Variants in CACNA1C observed in about 807,000 individuals in gnomAD.
CACNA1C encodes calcium voltage-gated channel subunit alpha1 C, also known as voltage-dependent L-type calcium channel subunit alpha-1C.
A neutral mutation model predicts 229.0 loss-of-function variants in CACNA1C; 30 were observed. The observed-to-expected ratio is 0.13, with a 90% CI of 0.10 to 0.18. CACNA1C has a LOEUF of 0.18. Ranked by LOEUF, CACNA1C falls within the 10% of genes least tolerant of loss-of-function variation. The pLI, the probability that CACNA1C is intolerant of heterozygous loss-of-function variation, is 1.00. For missense variants in CACNA1C, 1,658 were observed against 2,845.0 expected, an observed-to-expected ratio of 0.58 and a Z score of 9.49; for synonymous variants, 1,114 against 1,132.5, an observed-to-expected ratio of 0.98 and a Z score of 0.33.
intron 34 of CACNA1C, 28 bp from the exon 35 acceptor site, chr12:2,664,797 C>A: frequency 2.0e-6 from 3 of 1,535,986 alleles, no homozygotes; most frequent in Non-Finnish European, 2.6e-6. Flanking sequence ...GGATGGGCTG[C>A]ATGAACGTGG....
At chr12:2,253,375 T>G (rs891913117) in intron 3 of CACNA1C, among the ~76,000 whole-genome samples, 5 of 152,216 alleles carry the variant, frequency 3.3e-5, no homozygotes, top group African/African-American at 1.2e-4. Flanking sequence ...GGTTCTGAGT[T>G]TATAAGGGGC....
Position 2,585,792 on chromosome 12 carries a change from C to T in CACNA1C, c.2461-43C>T, listed in dbSNP as rs369487619. 73 of 1,392,524 alleles carry T rather than the reference C, an allele frequency of 5.2e-5. 1 individual carries two copies. The Middle Eastern group carries it at 5.5e-3, about 104-fold the overall frequency. 86.3% of individuals were successfully genotyped at this position (1,392,524 alleles called of 1,614,324 possible). A position where few individuals can be genotyped will look rare whatever the true frequency, so the allele number is the denominator to read the frequency against. ...TACTGCAAGCCTCTTAACTTGGGGA[C>T]GTATCTAACTATTCTTCCCCCTTCT... On this transcript the variant is annotated intron_variant, in intron 17 of 46. Transcript: ENST00000399655. This position sits in a 1 kb window ranked among gnomAD's most constrained non-coding sequence, Gnocchi z 4.1.
intron 1 of CACNA1C, among the ~76,000 whole-genome samples, chr12:2,070,164 G>A (rs1357529067): frequency 6.6e-6 from 1 of 152,160 alleles, no homozygotes; most frequent in Non-Finnish European, 1.5e-5. Context: ...GGTCGAGCGG[G>A]AAGAGTATAA....
chr12:2,049,183 C>A (rs930076107), upstream of CACNA1C: 1 of 152,206 alleles, frequency 6.6e-6, no homozygotes, highest in Non-Finnish European at 1.5e-5. Flanking sequence ...TGGTTAAGAG[C>A]GTAGGCTCTG....
intron 1 of CACNA1C, among the ~76,000 whole-genome samples, chr12:2,102,904 G>T (rs2076952594): frequency 1.3e-5 from 2 of 152,204 alleles, no homozygotes; most frequent in South Asian, 2.1e-4. Context: ...TCCCTGCAAA[G>T]GACATGAACT....
chr12:2,229,522 GAATAA>G (rs2064071623), intron 3 of CACNA1C, among the ~76,000 whole-genome samples: 1 of 152,144 alleles, frequency 6.6e-6, no homozygotes, highest in African/African-American at 2.4e-5. Context: ...GAGAGACAAT[GAATAA>G]AATAAGTTAA....
intron 1 of CACNA1C, among the ~76,000 whole-genome samples, chr12:2,031,340 C>A (rs1300577979): frequency 6.6e-6 from 1 of 152,124 alleles, no homozygotes; most frequent in African/African-American, 2.4e-5. Context: ...TTCTCCAAAC[C>A]CTCTGGTGTC....
At chr12:2,459,295 A>G (rs2154565341) in intron 5 of CACNA1C, among the ~76,000 whole-genome samples, 1 of 151,146 alleles carries the variant, frequency 6.6e-6, no homozygotes, top group African/African-American at 2.4e-5. Context: ...GATTACCGGC[A>G]TGAGCCACTG....
At chr12:2,193,464 C>A (rs150273604) in intron 3 of CACNA1C, among the ~76,000 whole-genome samples, 1 of 150,806 alleles carries the variant, frequency 6.6e-6, no homozygotes. Flanking sequence ...CAAAAAAAAA[C>A]AAAAAACAAA....
At chr12:2,073,319 A>T (rs968654307) in intron 1 of CACNA1C, among the ~76,000 whole-genome samples, 1 of 152,218 alleles carries the variant, frequency 6.6e-6, no homozygotes, top group Non-Finnish European at 1.5e-5. Flanking sequence ...TTTGGTTGTC[A>T]CCTTACCCTT....
chr12:2,105,291 A>G (rs955547345), intron 1 of CACNA1C, among the ~76,000 whole-genome samples: 1 of 152,142 alleles, frequency 6.6e-6, no homozygotes, highest in African/African-American at 2.4e-5. Flanking sequence ...GACAGAAAAG[A>G]TACAGTTGTA....
At chr12:2,145,672 C>T (rs1366328643) in intron 3 of CACNA1C, among the ~76,000 whole-genome samples, 2 of 151,146 alleles carry the variant, frequency 1.3e-5, no homozygotes, top group African/African-American at 2.4e-5. Context: ...TTAAGTAGTC[C>T]GTGGGCTTGT....
At chr12:2,240,328 G>C (rs755923585) in intron 3 of CACNA1C, among the ~76,000 whole-genome samples, 1 of 152,168 alleles carries the variant, frequency 6.6e-6, no homozygotes, top group South Asian at 2.1e-4. Flanking sequence ...AAACAAAGAC[G>C]TACCATGGTC....
chr12:2,256,317 A>C (rs1449511993), intron 3 of CACNA1C, among the ~76,000 whole-genome samples: 1 of 152,252 alleles, frequency 6.6e-6, no homozygotes, highest in Non-Finnish European at 1.5e-5. Flanking sequence ...CACCTTGGGC[A>C]CATTGGTGTC....
intron 3 of CACNA1C, among the ~76,000 whole-genome samples, chr12:2,407,900 T>A (rs80246065): frequency 0.035 from 5,365 of 152,308 alleles, 156 homozygotes; most frequent in Non-Finnish European, 0.05. Context: ...ACAGAAAATG[T>A]TAGACAATAA....
At chr12:2,492,029 CATTT>C (rs971220376) in intron 6 of CACNA1C, among the ~76,000 whole-genome samples, 17 of 151,196 alleles carry the variant, frequency 1.1e-4, no homozygotes, top group African/African-American at 3.7e-4. Flanking sequence ...TATAGGCAAT[CATTT>C]ATTTGTTGGA....
At chr12:2,543,996 C>T (rs935988762) in intron 9 of CACNA1C, among the ~76,000 whole-genome samples, 9 of 152,160 alleles carry the variant, frequency 5.9e-5, no homozygotes, top group Non-Finnish European at 1.0e-4. Flanking sequence ...TACGTCCACC[C>T]CCTATATCTC....
At chr12:2,400,805 C>T (rs760926255) in intron 3 of CACNA1C, among the ~76,000 whole-genome samples, 1 of 152,194 alleles carries the variant, frequency 6.6e-6, no homozygotes, top group Non-Finnish European at 1.5e-5. Context: ...AGATGTACAC[C>T]TCTAATGCTG....
chr12:2,074,487 C>G (rs1323095414), intron 1 of CACNA1C, among the ~76,000 whole-genome samples: 1 of 152,102 alleles, frequency 6.6e-6, no homozygotes, highest in Non-Finnish European at 1.5e-5. Flanking sequence ...CAAGTCTGAG[C>G]AGGTGCAGGC....
Sources: allele counts gnomAD v4.1 joint callset (sites outside exome capture counted in the v4.1 genomes callset), GRCh38; gene constraint gnomAD v4.1.1; non-coding constraint Gnocchi (gnomAD v3.1); transcripts MANE v1.5; gene names NCBI Gene and HGNC (gene_info 2026-07-23, HGNC 2026-07-21).